The following NRG3 variants were observed in gnomAD, a reference collection of about 807,000 sequenced individuals.
NRG3 encodes the protein neuregulin 3.
Under a neutral mutation model 66.9 loss-of-function variants are expected in NRG3, and 31 were observed. That is an observed-to-expected ratio of 0.46 (90% CI 0.35 to 0.63). The LOEUF is 0.63. NRG3 is among the 20% of genes least tolerant of loss of function. The probability of loss-of-function intolerance (pLI) is 0.00; values close to 1 mark genes in which losing one functional copy is unlikely to be tolerated. For missense variants in NRG3, 910 were observed against 878.9 expected, an observed-to-expected ratio of 1.04 and a Z score of -0.45; for synonymous variants, 393 against 359.4, an observed-to-expected ratio of 1.09 and a Z score of -1.06.
chr10:82,567,984 TA>T (rs942318135), intron 2 of NRG3, among the ~76,000 whole-genome samples: 22 of 152,028 alleles, frequency 1.4e-4, no homozygotes, highest in African/African-American at 5.1e-4. Context: ...AGACACCCTG[TA>T]ACCTTGGACT....
intron 1 of NRG3, among the ~76,000 whole-genome samples, chr10:82,102,141 T>TATATGTGTATTC (rs1461604489): frequency 2.5e-5 from 1 of 39,264 alleles, no homozygotes; most frequent in African/African-American, 6.6e-5. Flanking sequence ...TTCATATATA[T>TATATGTGTATTC]ATATATATAT....
At chr10:82,411,544 C>A (rs1242162853) in intron 2 of NRG3, among the ~76,000 whole-genome samples, 1 of 152,110 alleles carries the variant, frequency 6.6e-6, no homozygotes, top group African/African-American at 2.4e-5. Context: ...ACTGATATTT[C>A]CTCCACTCCT....
intron 1 of NRG3, among the ~76,000 whole-genome samples, chr10:82,308,050 A>G (rs1043175687): frequency 6.6e-6 from 1 of 152,132 alleles, no homozygotes; most frequent in Non-Finnish European, 1.5e-5. Flanking sequence ...TTAAAATATT[A>G]TAAATTCTAC....
At chr10:82,750,851 A>G (rs2134934466) in intron 3 of NRG3, among the ~76,000 whole-genome samples, 1 of 152,254 alleles carries the variant, frequency 6.6e-6, no homozygotes, top group South Asian at 2.1e-4. Flanking sequence ...CAAGAGCAAA[A>G]CATTCTCCAT....
intron 1 of NRG3, among the ~76,000 whole-genome samples, chr10:82,183,575 C>G (rs1012864140): frequency 6.6e-6 from 1 of 152,082 alleles, no homozygotes; most frequent in Middle Eastern, 3.4e-3. Flanking sequence ...CAAATATACC[C>G]AAGAATACAG....
intron 1 of NRG3, among the ~76,000 whole-genome samples, chr10:81,979,634 G>A (rs1306334120): frequency 2.0e-5 from 3 of 152,136 alleles, no homozygotes; most frequent in African/African-American, 4.8e-5. Context: ...ACATCCAAAT[G>A]TTTTGATAGC....
intron 2 of NRG3, among the ~76,000 whole-genome samples, chr10:82,482,499 C>G (rs1842356458): frequency 6.6e-6 from 1 of 152,128 alleles, no homozygotes; most frequent in African/African-American, 2.4e-5. Flanking sequence ...TGGCACTAAC[C>G]TTGGAGTACG....
intron 1 of NRG3, among the ~76,000 whole-genome samples, chr10:82,285,073 G>C (rs1439453923): frequency 6.6e-6 from 1 of 152,124 alleles, no homozygotes; most frequent in African/African-American, 2.4e-5. Context: ...CCATCTTTCT[G>C]TTCAGAAAAG....
chr10:82,017,769 C>T (rs1414426988), intron 1 of NRG3, among the ~76,000 whole-genome samples: 1 of 152,174 alleles, frequency 6.6e-6, no homozygotes, highest in African/African-American at 2.4e-5. Context: ...ATCCTTCGCC[C>T]ACTTGTTGAT....
chr10:82,784,044 A>G (rs1314384683), intron 3 of NRG3, among the ~76,000 whole-genome samples: 4 of 151,954 alleles, frequency 2.6e-5, no homozygotes, highest in Non-Finnish European at 5.9e-5. Flanking sequence ...AGCCCTCAGA[A>G]ATAATGCTGC....
intron 1 of NRG3, among the ~76,000 whole-genome samples, chr10:82,079,313 C>T (rs2065262881): frequency 6.6e-6 from 1 of 152,136 alleles, no homozygotes; most frequent in Non-Finnish European, 1.5e-5. Flanking sequence ...GCTGGGATTA[C>T]AGGCATGAGC....
intron 2 of NRG3, among the ~76,000 whole-genome samples, chr10:82,443,544 A>T (rs1477100541): frequency 1.3e-5 from 2 of 152,178 alleles, no homozygotes; most frequent in Non-Finnish European, 2.9e-5. Context: ...CATATGGGAC[A>T]ACCAAGACTT....
chr10:82,296,780 T>C (rs1337840342), intron 1 of NRG3, among the ~76,000 whole-genome samples: 1 of 146,890 alleles, frequency 6.8e-6, no homozygotes. Context: ...GTGTATGTAT[T>C]TTTTTTTTTT....
chr10:82,299,609 A>C (rs1202065930), intron 1 of NRG3, among the ~76,000 whole-genome samples: 1 of 151,986 alleles, frequency 6.6e-6, no homozygotes, highest in African/African-American at 2.4e-5. Context: ...GCTTTACTGA[A>C]ACAAAGTCAT....
intron 2 of NRG3, among the ~76,000 whole-genome samples, chr10:82,375,295 TG>T (rs1305270314): frequency 6.6e-6 from 1 of 152,100 alleles, no homozygotes; most frequent in Admixed American, 6.5e-5. Context: ...CCCAGCACTT[TG>T]GGAGGCCGAG....
chr10:81,913,785 C>A (rs530052164), intron 1 of NRG3, among the ~76,000 whole-genome samples: 1 of 152,258 alleles, frequency 6.6e-6, no homozygotes, highest in South Asian at 2.1e-4. Context: ...ATAACGAAAG[C>A]CACCGTGAAT....
chr10:82,945,403 A>G (rs1848922067), intron 4 of NRG3, among the ~76,000 whole-genome samples: 1 of 152,216 alleles, frequency 6.6e-6, no homozygotes, highest in Admixed American at 6.5e-5. Flanking sequence ...CCAAGGTTGG[A>G]TGAAAAGTCC....
intron 1 of NRG3, among the ~76,000 whole-genome samples, chr10:82,343,543 C>T (rs1294762783): frequency 6.6e-6 from 1 of 151,990 alleles, no homozygotes; most frequent in Non-Finnish European, 1.5e-5. Context: ...GAAAAAAAAT[C>T]CTAAAATTCA....
chr10:81,923,963 A>G (rs982925744), intron 1 of NRG3, among the ~76,000 whole-genome samples: 10 of 152,168 alleles, frequency 6.6e-5, no homozygotes, highest in African/African-American at 2.4e-4. Flanking sequence ...GTCTTGTTGT[A>G]TGTCTGCAGC....
Sources: allele counts gnomAD v4.1 joint callset (sites outside exome capture counted in the v4.1 genomes callset), GRCh38; gene constraint gnomAD v4.1.1; transcripts MANE v1.5; gene names NCBI Gene and HGNC (gene_info 2026-07-23, HGNC 2026-07-21).